The following EIF4E3 variants were observed in gnomAD, a reference collection of about 807,000 sequenced individuals.
EIF4E3 encodes eukaryotic translation initiation factor 4E type 3.
EIF4E3 carries 26 observed loss-of-function variants against 31.7 expected under a neutral mutation model. The ratio of observed to expected loss-of-function variants is 0.82; its 90% CI spans 0.60 to 1.14. EIF4E3 has a LOEUF of 1.14. Among genes scored for constraint, EIF4E3 ranks in the 50% most tolerant of loss-of-function variants. EIF4E3 has a pLI of 0.00. For synonymous variants in EIF4E3, 128 were observed against 107.7 expected, an observed-to-expected ratio of 1.19 and a Z score of -1.17; for missense variants, 304 against 270.9, an observed-to-expected ratio of 1.12 and a Z score of -0.86.
chr3:71,751,241 A>G (rs1348919934), intron 1 of EIF4E3, among the ~76,000 whole-genome samples: 1 of 152,112 alleles, frequency 6.6e-6, no homozygotes, highest in Non-Finnish European at 1.5e-5. Context: ...CAAAATAAAT[A>G]AAGTCAGACT....
the EIF4E3 span, among the ~76,000 whole-genome samples, chr3:71,663,939 C>T: frequency 6.6e-6 from 1 of 152,104 alleles, no homozygotes; most frequent in African/African-American, 2.4e-5. Flanking sequence ...GAGGGGCTTT[C>T]CTGAGGCAGA....
chr3:71,746,628 C>G (rs1283793227), intron 1 of EIF4E3, among the ~76,000 whole-genome samples: 1 of 152,168 alleles, frequency 6.6e-6, no homozygotes, highest in Non-Finnish European at 1.5e-5. Flanking sequence ...ATAAAGACAC[C>G]TCCATAGGCC....
At chr3:71,701,644 C>T (rs904127974) in intron 2 of EIF4E3, among the ~76,000 whole-genome samples, 6 of 152,096 alleles carry the variant, frequency 3.9e-5, no homozygotes, top group Admixed American at 6.5e-5. Flanking sequence ...AATCCTAGGG[C>T]TCATGAACTG....
chr3:71,700,402 T>C (rs1292322556), intron 2 of EIF4E3, among the ~76,000 whole-genome samples: 2 of 152,188 alleles, frequency 1.3e-5, no homozygotes, highest in South Asian at 4.1e-4. Context: ...TTATAACTAT[T>C]TTGTTACAAT....
chr3:71,725,444 C>A, upstream of EIF4E3: 1 of 851,902 alleles, frequency 1.2e-6, no homozygotes, highest in Non-Finnish European at 1.4e-6. The surrounding 1 kb of genome is among the most constrained non-coding windows in gnomAD (Gnocchi z 6.1). Flanking sequence ...CCGGCCCCCG[C>A]CCCGCCCCGC....
chr3:71,743,555 G>T (rs1265916629), intron 1 of EIF4E3, among the ~76,000 whole-genome samples: 1 of 152,042 alleles, frequency 6.6e-6, no homozygotes, highest in African/African-American at 2.4e-5. Flanking sequence ...TCCCCAAACT[G>T]ATCTAGACAC....
intron 1 of EIF4E3, among the ~76,000 whole-genome samples, chr3:71,724,439 G>C (rs1323673704): frequency 6.6e-6 from 1 of 152,180 alleles, no homozygotes; most frequent in South Asian, 2.1e-4. Flanking sequence ...AGAAGGCAGG[G>C]CAGGAGAATA....
upstream of EIF4E3, chr3:71,754,311 G>C: frequency 8.6e-7 from 1 of 1,158,520 alleles, no homozygotes; most frequent in Non-Finnish European, 1.1e-6. The surrounding 1 kb of genome is among the most constrained non-coding windows in gnomAD (Gnocchi z 5.8). Flanking sequence ...CGCGGCGGGG[G>C]CGCCGCCGGG....
At chr3:71,698,473 T>C (rs1349530423) in intron 3 of EIF4E3, among the ~76,000 whole-genome samples, 23 of 152,218 alleles carry the variant, frequency 1.5e-4, no homozygotes, top group Admixed American at 1.5e-3. Context: ...ATCTGCTCCC[T>C]TTCTGGTAAG....
chr3:71,660,974 T>C, the EIF4E3 span, among the ~76,000 whole-genome samples: 1 of 152,070 alleles, frequency 6.6e-6, no homozygotes, highest in Non-Finnish European at 1.5e-5. Context: ...AACACCATCC[T>C]TCCACCAGCA....
intron 1 of EIF4E3, among the ~76,000 whole-genome samples, chr3:71,752,768 G>C (rs967623345): frequency 2.2e-4 from 34 of 152,166 alleles, no homozygotes; most frequent in African/African-American, 3.6e-4. Flanking sequence ...AGAGGGCAGG[G>C]ATACAGAGTA....
chr3:71,692,427 G>A (rs945177292), intron 5 of EIF4E3, among the ~76,000 whole-genome samples: 2 of 152,064 alleles, frequency 1.3e-5, no homozygotes, highest in Non-Finnish European at 2.9e-5. Context: ...TTTTTCCCTG[G>A]TTCTGGAAAC....
At chr3:71,686,786 A>C (rs2048998443) in intron 6 of EIF4E3, among the ~76,000 whole-genome samples, 2 of 152,108 alleles carry the variant, frequency 1.3e-5, no homozygotes, top group Non-Finnish European at 2.9e-5. Flanking sequence ...TCATAGTTGC[A>C]AACTACAATG....
At chr3:71,686,579 T>TGTGTGTGTGTGTGTGTG (rs397806589) in intron 6 of EIF4E3, among the ~76,000 whole-genome samples, 4 of 151,186 alleles carry the variant, frequency 2.6e-5, no homozygotes, top group Non-Finnish European at 5.9e-5. Context: ...TGTGTGTGTG[T>TGTGTGTGTGTGTGTGTG]TTTCTTTTTA....
chr3:71,684,936 G>C (rs1272410983), intron 6 of EIF4E3, among the ~76,000 whole-genome samples: 1 of 152,092 alleles, frequency 6.6e-6, no homozygotes, highest in African/African-American at 2.4e-5. Flanking sequence ...TTAAAACAAG[G>C]AATAAACAAG....
intron 2 of EIF4E3, among the ~76,000 whole-genome samples, chr3:71,706,800 G>A (rs751061943): frequency 3.1e-4 from 47 of 152,030 alleles, no homozygotes; most frequent in Non-Finnish European, 6.2e-4. Flanking sequence ...TCCTGCCTGG[G>A]TGACAAAGTG....
upstream of EIF4E3, chr3:71,754,709 G>C: frequency 6.7e-7 from 1 of 1,482,136 alleles, no homozygotes; most frequent in Non-Finnish European, 8.9e-7. This position sits in a 1 kb window ranked among gnomAD's most constrained non-coding sequence, Gnocchi z 5.8. Flanking sequence ...CGCGCCTGGT[G>C]CCCGCCGTCA....
At chr3:71,748,270 T>C (rs1290859881) in intron 1 of EIF4E3, among the ~76,000 whole-genome samples, 1 of 152,146 alleles carries the variant, frequency 6.6e-6, no homozygotes, top group Non-Finnish European at 1.5e-5. Context: ...AACCTGCATA[T>C]ATGAAGAGCT....
At chr3:71,751,682 TTAAG>T (rs1422272147) in intron 1 of EIF4E3, among the ~76,000 whole-genome samples, 1 of 152,218 alleles carries the variant, frequency 6.6e-6, no homozygotes, top group African/African-American at 2.4e-5. Context: ...AATGATATGT[TTAAG>T]TGTTTGTTTA....
Sources: gnomAD v4.1 joint callset for allele counts (sites outside exome capture counted in the v4.1 genomes callset) on GRCh38, gnomAD v4.1.1 for gene constraint, Gnocchi (gnomAD v3.1) non-coding constraint, MANE v1.5 for transcripts, NCBI Gene and HGNC (gene_info 2026-07-23, HGNC 2026-07-21) for gene names.